The following DIP2C variants were observed in gnomAD, a reference collection of about 807,000 sequenced individuals.
DIP2C encodes the protein DIP2 acetate--CoA ligase C (putative), also known as disco-interacting protein 2 homolog C.
DIP2C carries 33 observed loss-of-function variants against 192.4 expected under a neutral mutation model. That is an observed-to-expected ratio of 0.17 (90% CI 0.13 to 0.23). The LOEUF is 0.23. DIP2C is among the 10% of genes least tolerant of loss of function. The pLI is 1.00. For missense variants in DIP2C, 1,537 were observed against 2,110.1 expected (o/e 0.73, Z 5.32); for synonymous variants, 979 against 864.1 (o/e 1.13, Z -2.33).
At chr10:558,101 CAT>C (rs971832118) in intron 1 of DIP2C, among the ~76,000 whole-genome samples, 5 of 152,148 alleles carry the variant, frequency 3.3e-5, no homozygotes, top group Non-Finnish European at 4.4e-5. Context: ...ACGCTTGCCT[CAT>C]ATGACATTCT....
At chr10:513,518 C>T (rs1846161328) in intron 1 of DIP2C, among the ~76,000 whole-genome samples, 1 of 152,206 alleles carries the variant, frequency 6.6e-6, no homozygotes. Flanking sequence ...TCTCGTCCAC[C>T]ACAGCACACC....
In DIP2C at chr10:604,358, A is replaced by G. The variant is rs143033428; in HGVS notation, c.85+85136T>C. ...TTAAATATACAATACCATAGGAGAC[A>G]AAGATGAGGAAGGCAGTTGCTCCCT... On this transcript the variant is annotated intron_variant, in intron 1 of 36. Coordinates refer to ENST00000280886, the MANE Select transcript of DIP2C (RefSeq NM_014974.3). Among the ~76,000 whole-genome samples, 55 of 152,366 alleles carry G rather than the reference A, an allele frequency of 3.6e-4. 1 individual carries two copies. The East Asian group carries it at 0.011, about 29-fold the overall frequency.
At chr10:382,889 T>G in intron 16 of DIP2C, 128 bp from the exon 17 acceptor site, 1 of 532,444 alleles carries the variant, frequency 1.9e-6, no homozygotes, top group Non-Finnish European at 3.2e-6. Context: ...GGAAAAATAT[T>G]TAATACAATT....
At chr10:503,850 G>A (rs1845413410) in intron 1 of DIP2C, among the ~76,000 whole-genome samples, 1 of 152,098 alleles carries the variant, frequency 6.6e-6, no homozygotes, top group South Asian at 2.1e-4. Context: ...AATCTCTGCC[G>A]CCTACATCAG....
intron 1 of DIP2C, among the ~76,000 whole-genome samples, chr10:564,864 T>TG (rs1180088690): frequency 6.6e-6 from 1 of 152,218 alleles, no homozygotes; most frequent in Non-Finnish European, 1.5e-5. Context: ...GTTCCCAACC[T>TG]GACTTCCTAG....
chr10:306,465 CCTT>C (rs1178417808), intron 32 of DIP2C, among the ~76,000 whole-genome samples: 2 of 152,204 alleles, frequency 1.3e-5, no homozygotes, highest in African/African-American at 4.8e-5. Context: ...AATAAGCTAA[CCTT>C]CTCCAGAGTA....
At chr10:442,791 G>A (rs945500836) in intron 3 of DIP2C, among the ~76,000 whole-genome samples, 2 of 152,186 alleles carry the variant, frequency 1.3e-5, no homozygotes, top group Non-Finnish European at 2.9e-5. Flanking sequence ...AAATTTAGCT[G>A]TCATATACAA....
At chr10:635,870 C>T (rs1854801984) in intron 1 of DIP2C, among the ~76,000 whole-genome samples, 1 of 152,216 alleles carries the variant, frequency 6.6e-6, no homozygotes, top group Non-Finnish European at 1.5e-5. Flanking sequence ...AAGTTACTTC[C>T]AGCCCAGAGG....
chr10:341,061 G>A, intron 29 of DIP2C, 138 bp downstream of exon 29: 1 of 1,222,960 alleles, frequency 8.2e-7, no homozygotes, highest in African/African-American at 1.5e-5. Context: ...AGAAGTAGAG[G>A]GACACGGGTA....
chr10:339,861 A>G (rs932594818), intron 29 of DIP2C, among the ~76,000 whole-genome samples: 8 of 152,256 alleles, frequency 5.3e-5, no homozygotes, highest in Admixed American at 2.0e-4. Context: ...ATACTATTAA[A>G]TATTAGTCAC....
Position 603,543 on chromosome 10 carries a change from C to T in DIP2C, c.85+85951G>A, listed in dbSNP as rs148825191. Among the ~76,000 whole-genome samples the T allele has an allele frequency of 2.0e-3, 304 of 152,130 alleles. 2 individuals carry two copies. The highest frequency in any genetic ancestry group is 7.1e-3 in the African/African-American group (293 of 41,464). On this transcript the variant is annotated intron_variant, in intron 1 of 36. Coordinates refer to ENST00000280886, the MANE Select transcript of DIP2C (RefSeq NM_014974.3). Reference sequence around the variant, plus strand: ...ACCTGGAACAAGACCATACTGTGATCGAAATCTAACTTTAAAGACCCAAAT... The same window carrying T: ...ACCTGGAACAAGACCATACTGTGATTGAAATCTAACTTTAAAGACCCAAAT...
At chr10:458,438 C>T (rs911549584) in intron 3 of DIP2C, among the ~76,000 whole-genome samples, 21 of 152,250 alleles carry the variant, frequency 1.4e-4, no homozygotes, top group African/African-American at 4.1e-4. Context: ...CAGATGACCC[C>T]GTGACAGCAA....
chr10:611,781 C>G (rs1027476002), intron 1 of DIP2C, among the ~76,000 whole-genome samples: 2 of 152,174 alleles, frequency 1.3e-5, no homozygotes, highest in African/African-American at 4.8e-5. Context: ...GAGCCTGGCC[C>G]TCAAACACCA....
At chr10:295,246 G>A (rs868230767) in intron 32 of DIP2C, among the ~76,000 whole-genome samples, 3 of 152,066 alleles carry the variant, frequency 2.0e-5, no homozygotes, top group Non-Finnish European at 4.4e-5. Flanking sequence ...ACTACAATGA[G>A]ATATCATCTC....
rs1845790732 is a variant in DIP2C at position 508,605 on chromosome 10, G to GGGAT, written c.86-22079_86-22076dup. On this transcript the variant is annotated intron_variant, in intron 1 of 36. Coordinates refer to ENST00000280886, the MANE Select transcript of DIP2C (RefSeq NM_014974.3). ...TCAATGGTCTGGTCCAGGACTCTCT[G>GGGAT]GGATGGATGGATGGGTGAGTGGCTG... is the stretch of plus-strand genomic sequence containing the variant. 2.6e-5 allele frequency among the ~76,000 whole-genome samples: 4 copies of GGGAT among 152,304 alleles called. No homozygotes were observed. In the Middle Eastern group the frequency reaches 0.014, roughly 518 times the overall value.
chr10:689,614 T>C lies in DIP2C; in HGVS notation c.-36A>G. On this transcript the variant is annotated 5_prime_UTR_variant, in exon 1 of 37. Coordinates refer to ENST00000280886, the MANE Select transcript of DIP2C (RefSeq NM_014974.3). The surrounding 1 kb of genome is among the most constrained non-coding windows in gnomAD (Gnocchi z 6.1). ...CGCCGCGCCCCGCACGGCCTCCTCT[T>C]TGTTCGCAGGCGGAGGTCTCGGCGG... The C allele has an allele frequency of 9.1e-7, 1 of 1,097,660 alleles. No individual in the cohort carries two copies. The highest frequency in any genetic ancestry group is 1.1e-6 in the Non-Finnish European group (1 of 900,956). The allele number at this position is 1,097,660 out of a possible 1,614,324, so 68.0% of individuals were successfully genotyped here. A position where few individuals can be genotyped will look rare whatever the true frequency, so the allele number is the denominator to read the frequency against.
intron 18 of DIP2C, among the ~76,000 whole-genome samples, chr10:368,314 C>T (rs1589627085): frequency 1.3e-5 from 2 of 152,284 alleles, no homozygotes; most frequent in South Asian, 4.1e-4. Context: ...GGAGCATTTT[C>T]ATTGTGTCCT....
chr10:509,514 G>A lies in DIP2C; in HGVS notation c.86-22984C>T, dbSNP rs538681971. 7.2e-5 allele frequency among the ~76,000 whole-genome samples: 11 copies of A among 152,252 alleles called. No homozygotes were observed. The South Asian group carries it at 8.3e-4, about 12-fold the overall frequency. The stretch of plus-strand genomic sequence containing the variant: ...AGACTACGGAGCAGAGCCGGCTTCC[G>A]CAGCGGAAACTCACACACAGCCCAT... On this transcript the variant is annotated intron_variant, in intron 1 of 36. Coordinates refer to ENST00000280886, the MANE Select transcript of DIP2C (RefSeq NM_014974.3).
chr10:294,969 G>A (rs192892919), intron 32 of DIP2C, among the ~76,000 whole-genome samples: 80 of 151,700 alleles, frequency 5.3e-4, no homozygotes, highest in Admixed American at 1.8e-3. Flanking sequence ...CAACAGCAAA[G>A]AAAAACCCAA....
Sources: gnomAD v4.1 joint callset for allele counts (sites outside exome capture counted in the v4.1 genomes callset) on GRCh38, gnomAD v4.1.1 for gene constraint, Gnocchi (gnomAD v3.1) non-coding constraint, MANE v1.5 for transcripts, NCBI Gene and HGNC (gene_info 2026-07-23, HGNC 2026-07-21) for gene names.